The following TENM2 variants were observed in gnomAD, a reference collection of about 807,000 sequenced individuals.
The protein encoded by TENM2 is teneurin transmembrane protein 2, also known as teneurin-2.
A neutral mutation model predicts 245.2 loss-of-function variants in TENM2; 52 were observed. The ratio of observed to expected loss-of-function variants is 0.21; its 90% confidence interval spans 0.17 to 0.27. The LOEUF (loss-of-function observed/expected upper bound fraction) is 0.27, where lower values mean the gene tolerates loss of function less well. TENM2 is among the 10% of genes least tolerant of loss of function. The probability of loss-of-function intolerance (pLI) is 1.00; values close to 1 mark genes in which losing one functional copy is unlikely to be tolerated. For missense variants in TENM2, 3,046 were observed against 3,666.8 expected, an observed-to-expected ratio of 0.83 and a Z score of 4.37; for synonymous variants, 1,363 against 1,438.9, an observed-to-expected ratio of 0.95 and a Z score of 1.19.
chr5:167,630,302 A>G (rs771421504), intron 2 of TENM2, among the ~76,000 whole-genome samples: 46 of 152,122 alleles, frequency 3.0e-4, no homozygotes, highest in Admixed American at 8.5e-4. Flanking sequence ...GTGACACCCT[A>G]CAGTGGATCT....
chr5:167,694,018 T>C (rs759085750), intron 2 of TENM2, among the ~76,000 whole-genome samples: 26 of 152,320 alleles, frequency 1.7e-4, no homozygotes, highest in Non-Finnish European at 3.1e-4. Context: ...CTTTTCACAA[T>C]TCCACTTATC....
chr5:167,018,960 C>A, the TENM2 span, among the ~76,000 whole-genome samples: 32 of 152,266 alleles, frequency 2.1e-4, no homozygotes, highest in African/African-American at 7.2e-4. Context: ...GCCTTCTAAT[C>A]TAATGTAGCT....
At chr5:167,720,595 G>T (rs1481992739) in intron 2 of TENM2, among the ~76,000 whole-genome samples, 1 of 152,200 alleles carries the variant, frequency 6.6e-6, no homozygotes, top group East Asian at 1.9e-4. Context: ...GCTCACATCA[G>T]ATTGCTGTGT....
chr5:167,556,743 G>T (rs1324124266), intron 2 of TENM2, among the ~76,000 whole-genome samples: 1 of 152,130 alleles, frequency 6.6e-6, no homozygotes, highest in Non-Finnish European at 1.5e-5. Flanking sequence ...TATACTGGCT[G>T]CCTAGGACAT....
intron 6 of TENM2, among the ~76,000 whole-genome samples, chr5:168,059,686 A>C (rs1180017975): frequency 6.6e-6 from 1 of 152,044 alleles, no homozygotes; most frequent in East Asian, 1.9e-4. Flanking sequence ...AGCATTTTAA[A>C]GTAAAATTTA....
At chr5:167,615,717 C>G (rs1561604100) in intron 2 of TENM2, among the ~76,000 whole-genome samples, 1 of 151,752 alleles carries the variant, frequency 6.6e-6, no homozygotes, top group Non-Finnish European at 1.5e-5. Flanking sequence ...AACCAACAGC[C>G]CATTTTGCTC....
intron 5 of TENM2, among the ~76,000 whole-genome samples, chr5:168,025,069 T>C (rs1311159068): frequency 6.6e-6 from 1 of 152,216 alleles, no homozygotes; most frequent in African/African-American, 2.4e-5. Context: ...ATGATTTAAG[T>C]TTCAAAATGC....
At chr5:167,330,030 A>C (rs1757347354) in intron 1 of TENM2, among the ~76,000 whole-genome samples, 1 of 152,198 alleles carries the variant, frequency 6.6e-6, no homozygotes, top group South Asian at 2.1e-4. Flanking sequence ...GAGCAAGTTC[A>C]CTGGATTTTT....
chr5:167,691,400 T>A (rs1757421784), intron 2 of TENM2, among the ~76,000 whole-genome samples: 1 of 152,078 alleles, frequency 6.6e-6, no homozygotes, highest in African/African-American at 2.4e-5. Context: ...TTCTGGGAAG[T>A]TTCAAGGGAA....
At chr5:167,000,705 C>A in the TENM2 span, among the ~76,000 whole-genome samples, 1 of 152,216 alleles carries the variant, frequency 6.6e-6, no homozygotes, top group African/African-American at 2.4e-5. Context: ...CATAGCGATA[C>A]CCCACTACCT....
intron 1 of TENM2, among the ~76,000 whole-genome samples, chr5:167,371,247 G>A (rs747362073): frequency 4.0e-5 from 6 of 151,244 alleles, no homozygotes; most frequent in Non-Finnish European, 7.4e-5. Context: ...TGAACAGGCT[G>A]TGAAGGCATG....
intron 5 of TENM2, among the ~76,000 whole-genome samples, chr5:167,999,695 T>A (rs963068345): frequency 7.2e-5 from 11 of 152,074 alleles, no homozygotes; most frequent in African/African-American, 2.7e-4. Context: ...TTCAGGAGGG[T>A]CAGCAGCTCT....
At chr5:167,946,891 A>C (rs919700912) in intron 3 of TENM2, among the ~76,000 whole-genome samples, 7 of 152,170 alleles carry the variant, frequency 4.6e-5, no homozygotes, top group Non-Finnish European at 5.9e-5. Flanking sequence ...GGAGAACTTA[A>C]CTCATGGCAG....
At chr5:167,723,757 G>T (rs1401219578) in intron 2 of TENM2, among the ~76,000 whole-genome samples, 1 of 152,186 alleles carries the variant, frequency 6.6e-6, no homozygotes, top group South Asian at 2.1e-4. Flanking sequence ...TCCTACTGCA[G>T]TTTCAGGTTC....
intron 2 of TENM2, among the ~76,000 whole-genome samples, chr5:167,761,177 A>G (rs912105519): frequency 2.0e-5 from 3 of 151,950 alleles, no homozygotes; most frequent in East Asian, 1.9e-4. Context: ...CTCATCCACC[A>G]TCTTCACTGT....
At chr5:167,014,303 G>A in the TENM2 span, among the ~76,000 whole-genome samples, 1 of 151,996 alleles carries the variant, frequency 6.6e-6, no homozygotes, top group Non-Finnish European at 1.5e-5. Flanking sequence ...CAGAGCAGAA[G>A]ATTTTAGTGA....
chr5:167,003,562 C>T, the TENM2 span, among the ~76,000 whole-genome samples: 7 of 152,148 alleles, frequency 4.6e-5, no homozygotes, highest in South Asian at 2.1e-4. Context: ...TTTATTGTGA[C>T]GAAAATGTCG....
chr5:167,458,715 A>G (rs1766097315), intron 2 of TENM2, among the ~76,000 whole-genome samples: 1 of 152,152 alleles, frequency 6.6e-6, no homozygotes, highest in Non-Finnish European at 1.5e-5. Flanking sequence ...ACAGTTTTCT[A>G]ACTGCTTTAT....
the TENM2 span, among the ~76,000 whole-genome samples, chr5:167,150,116 A>G: frequency 1.3e-5 from 2 of 152,178 alleles, no homozygotes; most frequent in Non-Finnish European, 2.9e-5. Context: ...ACAGGGTTTT[A>G]AAAAGTTACT....
Sources: gnomAD v4.1 joint callset for allele counts (sites outside exome capture counted in the v4.1 genomes callset) on GRCh38, gnomAD v4.1.1 for gene constraint, MANE v1.5 for transcripts, NCBI Gene and HGNC (gene_info 2026-07-23, HGNC 2026-07-21) for gene names.